The following CDIN1 variants were observed in gnomAD, a reference collection of about 807,000 sequenced individuals.
The protein encoded by CDIN1 is CDAN1 interacting nuclease 1.
A neutral mutation model predicts 45.3 loss-of-function variants in CDIN1; 33 were observed. The ratio of observed to expected loss-of-function variants is 0.73; its 90% CI spans 0.55 to 0.97. CDIN1 has a LOEUF of 0.97. Ranked by LOEUF, CDIN1 falls within the 50% of genes least tolerant of loss-of-function variation. The pLI, the probability that CDIN1 is intolerant of heterozygous loss-of-function variation, is 0.00. For synonymous variants in CDIN1, 118 were observed against 124.4 expected, an observed-to-expected ratio of 0.95 and a Z score of 0.34; for missense variants, 303 against 339.4, an observed-to-expected ratio of 0.89 and a Z score of 0.84.
intron 10 of CDIN1, 26 bp from the exon 11 acceptor site, chr15:36,808,298 T>C (rs200104407): frequency 1.0e-4 from 161 of 1,612,306 alleles, no homozygotes; most frequent in Non-Finnish European, 1.3e-4. Context: ...ACCATGTGTG[T>C]GTGTTATTTT....
In CDIN1 at chr15:36,580,998, G is replaced by A. The variant is rs185766507; in HGVS notation, c.101+1037G>A. Among the ~76,000 whole-genome samples the A allele has an allele frequency of 2.6e-3, 400 of 152,290 alleles. 2 individuals are homozygous for A. The highest frequency in any genetic ancestry group is 4.5e-3 in the Non-Finnish European group (309 of 68,026). ...TCTGTTATGACTTTGCTTTTTGAAG[G>A]ACTTGGTTTTCCTAGTCTGTAAAAT... On this transcript the variant is annotated intron_variant, in intron 1 of 10. Transcript: ENST00000566621.
chr15:36,709,736 G>A, intron 9 of CDIN1, 120 bp from the exon 10 acceptor site: 1 of 669,332 alleles, frequency 1.5e-6, no homozygotes, highest in South Asian at 2.1e-5. Flanking sequence ...TACATTTATA[G>A]ATGATGGTAA....
In CDIN1 at chr15:36,709,601, C is replaced by T. The variant is rs73381778; in HGVS notation, c.611-255C>T. Among the ~76,000 whole-genome samples the T allele has an allele frequency of 0.029, 4,458 of 152,034 alleles. 228 individuals are homozygous for T. Among genetic ancestry groups the T allele is most frequent in the African/African-American group, 0.1 (4,237 of 41,446 alleles). On this transcript the variant is annotated intron_variant, in intron 9 of 10. Coordinates refer to ENST00000566621, the MANE Select transcript of CDIN1 (RefSeq NM_001321759.2). ...TTGGTCTGCTTGACATGGCACTTGTCGAGTTATACAGGCAGTCTGAGAACT... is the reference window on the plus strand; with the variant it reads ...TTGGTCTGCTTGACATGGCACTTGTTGAGTTATACAGGCAGTCTGAGAACT...
At chr15:36,756,306 C>T (rs181754892) in intron 10 of CDIN1, among the ~76,000 whole-genome samples, 1 of 152,254 alleles carries the variant, frequency 6.6e-6, no homozygotes, top group East Asian at 1.9e-4. Flanking sequence ...TATCTAATTT[C>T]AGTGTGGAGA....
intron 5 of CDIN1, among the ~76,000 whole-genome samples, chr15:36,659,256 T>C (rs964146557): frequency 2.6e-5 from 4 of 152,348 alleles, no homozygotes; most frequent in East Asian, 1.9e-4. Context: ...GCCATTAATT[T>C]ATCTTTATAA....
chr15:36,773,140 A>G (rs1188531211), intron 10 of CDIN1, among the ~76,000 whole-genome samples: 1 of 152,094 alleles, frequency 6.6e-6, no homozygotes, highest in African/African-American at 2.4e-5. Flanking sequence ...TTACCCTAAT[A>G]GCTATATGGG....
chr15:36,701,999 A>C, intron 8 of CDIN1: 2 of 701,136 alleles, frequency 2.9e-6, no homozygotes, highest in South Asian at 3.0e-5. Context: ...TGTGACAAAC[A>C]GGGGATTATG....
At chr15:36,806,164 A>C (rs1291310103) in intron 10 of CDIN1, among the ~76,000 whole-genome samples, 1 of 152,196 alleles carries the variant, frequency 6.6e-6, no homozygotes, top group Non-Finnish European at 1.5e-5. Flanking sequence ...GTTCAGGTTC[A>C]CAATCTTGCA....
chr15:36,644,218 CT>C (rs2040220575), intron 1 of CDIN1, 59 bp from the exon 2 acceptor site: 1 of 1,530,488 alleles, frequency 6.5e-7, no homozygotes. Context: ...GCTCCTTTCT[CT>C]TTTGTTTCTT....
chr15:36,621,456 T>C (rs1160572729), intron 1 of CDIN1, among the ~76,000 whole-genome samples: 1 of 152,214 alleles, frequency 6.6e-6, no homozygotes, highest in East Asian at 1.9e-4. Flanking sequence ...TATGACATGG[T>C]ATACTATATT....
chr15:36,597,078 T>C (rs946827185), intron 1 of CDIN1, among the ~76,000 whole-genome samples: 1 of 152,224 alleles, frequency 6.6e-6, no homozygotes, highest in African/African-American at 2.4e-5. Flanking sequence ...TTGGACCTGA[T>C]ATATGCCCCT....
intron 10 of CDIN1, among the ~76,000 whole-genome samples, chr15:36,737,178 A>C (rs1662175832): frequency 6.6e-6 from 1 of 151,610 alleles, no homozygotes; most frequent in South Asian, 2.1e-4. Flanking sequence ...AAAAAAAAAA[A>C]AAACAAAAAT....
At chr15:36,689,666 G>A (rs28499090) in intron 5 of CDIN1, among the ~76,000 whole-genome samples, 12,744 of 152,160 alleles carry the variant, frequency 0.084, 676 homozygotes, top group Middle Eastern at 0.12. Context: ...GGAATACTGA[G>A]TTTCCCAGGC....
chr15:36,631,440 C>G (rs1050343678), intron 1 of CDIN1, among the ~76,000 whole-genome samples: 4 of 152,218 alleles, frequency 2.6e-5, no homozygotes, highest in African/African-American at 9.6e-5. Flanking sequence ...TCCCTGACAA[C>G]TACTAATCTG....
At chr15:36,700,289 G>A (rs909902129) in intron 8 of CDIN1, among the ~76,000 whole-genome samples, 5 of 152,130 alleles carry the variant, frequency 3.3e-5, no homozygotes, top group African/African-American at 1.2e-4. Context: ...GTCAAGCACC[G>A]TATTGCATGT....
chr15:36,615,070 C>G (rs2038827324), intron 1 of CDIN1, among the ~76,000 whole-genome samples: 1 of 152,208 alleles, frequency 6.6e-6, no homozygotes, highest in African/African-American at 2.4e-5. Flanking sequence ...TTTGAAGCTG[C>G]TGTCTCTAGA....
Position 36,579,823 on chromosome 15 carries a change from T to C in CDIN1, c.-38T>C. ...AGGCTACTTGAGCCCCAGGGTGTTT[T>C]TTCCTTGTTCCCGCCACCTCCTGGT... On this transcript the variant is annotated 5_prime_UTR_variant, in exon 1 of 11. Transcript: ENST00000566621. The C allele has an allele frequency of 1.9e-6, 3 of 1,568,526 alleles. No homozygotes were observed. Among genetic ancestry groups the C allele is most frequent in the Non-Finnish European group, 2.6e-6 (3 of 1,150,688 alleles).
At chr15:36,802,763 A>G (rs2055093399) in intron 10 of CDIN1, among the ~76,000 whole-genome samples, 2 of 152,154 alleles carry the variant, frequency 1.3e-5, no homozygotes. Flanking sequence ...GAGTTACAGG[A>G]AACCTTGAAC....
chr15:36,648,135 G>A (rs1209396171), intron 3 of CDIN1, among the ~76,000 whole-genome samples: 2 of 152,098 alleles, frequency 1.3e-5, no homozygotes, highest in South Asian at 2.1e-4. Context: ...CACCGTGCCC[G>A]GCTGTGATAG....
Sources: gnomAD v4.1 joint callset for allele counts (sites outside exome capture counted in the v4.1 genomes callset) on GRCh38, gnomAD v4.1.1 for gene constraint, MANE v1.5 for transcripts, NCBI Gene and HGNC (gene_info 2026-07-23, HGNC 2026-07-21) for gene names.